The following NCAM2 variants were observed in gnomAD, a reference collection of about 807,000 sequenced individuals.
The protein encoded by NCAM2 is N-CAM-2.
A neutral mutation model predicts 98.1 loss-of-function variants in NCAM2; 30 were observed. The ratio of observed to expected loss-of-function variants is 0.31; its 90% CI spans 0.23 to 0.41. The LOEUF (loss-of-function observed/expected upper bound fraction) is 0.41, where lower values mean the gene tolerates loss of function less well. Ranked by LOEUF, NCAM2 falls within the 10% of genes least tolerant of loss-of-function variation. The pLI, the probability that NCAM2 is intolerant of heterozygous loss-of-function variation, is 1.00. For missense variants in NCAM2, 867 were observed against 1,005.8 expected, an observed-to-expected ratio of 0.86 and a Z score of 1.87; for synonymous variants, 368 against 342.4, an observed-to-expected ratio of 1.07 and a Z score of -0.83.
At chr21:21,450,821 C>T (rs2146127165) in intron 12 of NCAM2, among the ~76,000 whole-genome samples, 1 of 151,338 alleles carries the variant, frequency 6.6e-6, no homozygotes, top group Non-Finnish European at 1.5e-5. Context: ...CACACACACA[C>T]ACACACACAC....
At chr21:21,487,871 G>A (rs189412158) in intron 15 of NCAM2, among the ~76,000 whole-genome samples, 53 of 152,132 alleles carry the variant, frequency 3.5e-4, no homozygotes, top group African/African-American at 1.2e-3. Context: ...TTCTTACGTG[G>A]AAAAACCTTA....
At chr21:21,200,857 TGAGA>T (rs958154426) in intron 1 of NCAM2, among the ~76,000 whole-genome samples, 1 of 151,336 alleles carries the variant, frequency 6.6e-6, no homozygotes, top group Non-Finnish European at 1.5e-5. Context: ...TTTGTGTGTG[TGAGA>T]GAGTTTTCTT....
chr21:21,291,479 GCACACA>G (rs140253595), intron 4 of NCAM2, among the ~76,000 whole-genome samples: 1 of 147,828 alleles, frequency 6.8e-6, no homozygotes, highest in Admixed American at 6.8e-5. Flanking sequence ...ATATGCATGT[GCACACA>G]CACACACACA....
intron 16 of NCAM2, among the ~76,000 whole-genome samples, chr21:21,515,221 G>A (rs1988643458): frequency 6.6e-6 from 1 of 152,020 alleles, no homozygotes; most frequent in Admixed American, 6.6e-5. Context: ...TCTTTCACAT[G>A]CAGTCCTTTT....
At chr21:21,463,066 A>C (rs1983200915) in intron 12 of NCAM2, among the ~76,000 whole-genome samples, 1 of 152,094 alleles carries the variant, frequency 6.6e-6, no homozygotes, top group Non-Finnish European at 1.5e-5. Flanking sequence ...AAAGTCTCAC[A>C]TTAACTATCT....
At chr21:21,403,543 C>A (rs990621376) in intron 9 of NCAM2, among the ~76,000 whole-genome samples, 22 of 152,250 alleles carry the variant, frequency 1.4e-4, no homozygotes, top group Non-Finnish European at 1.3e-4. Context: ...AACTTTTATA[C>A]CCAAACAGTT....
chr21:21,130,340 A>G (rs1387080426), intron 1 of NCAM2, among the ~76,000 whole-genome samples: 1 of 152,136 alleles, frequency 6.6e-6, no homozygotes, highest in Admixed American at 6.5e-5. Flanking sequence ...GGATTTTATT[A>G]AATGTAGTTA....
intron 1 of NCAM2, among the ~76,000 whole-genome samples, chr21:21,183,009 C>T (rs569488019): frequency 6.6e-5 from 10 of 152,206 alleles, no homozygotes; most frequent in African/African-American, 2.4e-4. Flanking sequence ...TAATGCAATA[C>T]AGATGATAAA....
chr21:21,423,705 AC>A (rs1157526992), intron 11 of NCAM2, among the ~76,000 whole-genome samples: 3 of 152,030 alleles, frequency 2.0e-5, no homozygotes, highest in East Asian at 3.9e-4. Context: ...CTCTATACTT[AC>A]CCCTATTAAA....
intron 16 of NCAM2, among the ~76,000 whole-genome samples, chr21:21,511,481 T>C (rs1602530973): frequency 6.6e-6 from 1 of 151,934 alleles, no homozygotes. Context: ...TTTAGCAAAT[T>C]TTCATCCATT....
At chr21:21,037,186 G>A (rs537260364) in intron 1 of NCAM2, among the ~76,000 whole-genome samples, 139 of 152,184 alleles carry the variant, frequency 9.1e-4, no homozygotes, top group African/African-American at 3.3e-3. Context: ...GCGCCACCAC[G>A]CCTGGCTATT....
At chr21:21,146,939 A>T (rs1426681596) in intron 1 of NCAM2, among the ~76,000 whole-genome samples, 2 of 151,458 alleles carry the variant, frequency 1.3e-5, no homozygotes, top group African/African-American at 4.9e-5. Context: ...GCTGCCTTCT[A>T]CTCCGGAACT....
rs924980962 is a variant in NCAM2 at position 21,289,518 on chromosome 21, C to T, written c.482-2586C>T. ...CGTATTAGCCAGGCAAACGTCGGTG[C>T]GGAATTTTCAGGAAGAGGGAAGACC... On this transcript the variant is annotated intron_variant, in intron 4 of 17. Transcript: ENST00000400546. Among the ~76,000 whole-genome samples, 7 of 151,842 alleles carry T rather than the reference C, an allele frequency of 4.6e-5. No individual in the cohort carries two copies. In the East Asian group the frequency reaches 5.8e-4, roughly 13 times the overall value.
At chr21:21,411,137 T>TGTATATATATATACAC (rs1491251859) in intron 10 of NCAM2, among the ~76,000 whole-genome samples, 1 of 76,008 alleles carries the variant, frequency 1.3e-5, no homozygotes, top group African/African-American at 4.5e-5. Context: ...CATATATATG[T>TGTATATATATATACAC]ATATATATAT....
chr21:21,299,304 T>C (rs892471965), intron 5 of NCAM2, among the ~76,000 whole-genome samples: 1 of 151,536 alleles, frequency 6.6e-6, no homozygotes, highest in African/African-American at 2.4e-5. Context: ...TCTTGCCTTT[T>C]TTTTTTTTGC....
intron 1 of NCAM2, among the ~76,000 whole-genome samples, chr21:21,184,179 C>T (rs1160691668): frequency 1.3e-5 from 2 of 151,792 alleles, no homozygotes; most frequent in East Asian, 1.9e-4. Flanking sequence ...GGTAATTTAG[C>T]TATTCTGATA....
rs1990203480 is a variant in NCAM2, at chr21:21,540,834, A to G, written c.*2877A>G. The G allele has an allele frequency of 6.6e-6, 1 of 152,006 alleles. No individual in the cohort carries two copies. The highest frequency in any genetic ancestry group is 1.5e-5 in the Non-Finnish European group (1 of 67,882). 9.4% of individuals were successfully genotyped at this position (152,006 alleles called of 1,614,324 possible). A position where few individuals can be genotyped will look rare whatever the true frequency, so the allele number is the denominator to read the frequency against. On this transcript the variant is annotated 3_prime_UTR_variant, in exon 18 of 18. Transcript: ENST00000400546. ...CAATCTGTATTCAACAACATATAAG[A>G]GGAAAGAGTAATATCAGAATTTTGA...
chr21:21,451,787 C>T (rs558686231), intron 12 of NCAM2, among the ~76,000 whole-genome samples: 9 of 152,178 alleles, frequency 5.9e-5, no homozygotes, highest in African/African-American at 2.2e-4. Flanking sequence ...CTTCATGACG[C>T]TGCTTCAACT....
chr21:21,030,916 A>C (rs1272103240), intron 1 of NCAM2, among the ~76,000 whole-genome samples: 1 of 151,860 alleles, frequency 6.6e-6, no homozygotes, highest in African/African-American at 2.4e-5. Flanking sequence ...CCATAATTCT[A>C]ACTGATAAAT....
Sources: gnomAD v4.1 joint callset for allele counts (sites outside exome capture counted in the v4.1 genomes callset) on GRCh38, gnomAD v4.1.1 for gene constraint, MANE v1.5 for transcripts, NCBI Gene and HGNC (gene_info 2026-07-23, HGNC 2026-07-21) for gene names.